NPEPL1: variants seen among roughly 807,000 people sequenced by gnomAD.
NPEPL1 encodes the protein probable aminopeptidase NPEPL1.
NPEPL1 carries 45 observed loss-of-function variants against 52.4 expected under a neutral mutation model. The observed-to-expected ratio is 0.86, with a 90% confidence interval of 0.68 to 1.10. NPEPL1 has a LOEUF of 1.10. NPEPL1 is among the 50% of genes least tolerant of loss of function. The probability of loss-of-function intolerance (pLI) is 0.00; values close to 1 mark genes in which losing one functional copy is unlikely to be tolerated. For missense variants in NPEPL1, 696 were observed against 710.9 expected (o/e 0.98, Z 0.24); for synonymous variants, 360 against 314.7 (o/e 1.14, Z -1.52).
At chr20:58,690,911 A>G, upstream of NPEPL1, 1 of 514,680 alleles carries the variant, frequency 1.9e-6, no homozygotes, top group Non-Finnish European at 3.5e-6. Flanking sequence ...GCAAAATTCT[A>G]TAGAGTGAGC....
intron 6 of NPEPL1, among the ~76,000 whole-genome samples, chr20:58,703,108 CCA>C (rs560721308): frequency 2.0e-3 from 308 of 152,262 alleles, no homozygotes; most frequent in Non-Finnish European, 3.3e-3. Flanking sequence ...CCGACTGTGC[CCA>C]GAGCCAGCCC....
rs1252983594 is a variant in NPEPL1, at chr20:58,714,086, CAG to C, written c.1296_1297del (p.Val433GlyfsTer40). The C allele has an allele frequency of 6.5e-7, 1 of 1,547,242 alleles. No homozygotes were observed. Among genetic ancestry groups the C allele is most frequent in the South Asian group, 1.2e-5 (1 of 82,886 alleles). ...TCAGCTGTGGCGGACATGAAGAACT[CAG>C]TGGCGGTAGGTTTGGAGCCTCGAAC... On this transcript the variant is annotated frameshift_variant, in exon 10 of 12. Coordinates refer to ENST00000356091, the MANE Select transcript of NPEPL1 (RefSeq NM_024663.4). LOFTEE classifies it high-confidence loss of function.
intron 6 of NPEPL1, among the ~76,000 whole-genome samples, chr20:58,701,707 C>G (rs1179808158): frequency 1.3e-5 from 2 of 152,268 alleles, no homozygotes; most frequent in South Asian, 4.1e-4. Context: ...GTCTCTGAGT[C>G]TGCCCATGGT....
chr20:58,712,901 A>T (rs1442423669), intron 8 of NPEPL1: 1 of 423,876 alleles, frequency 2.4e-6, no homozygotes, highest in African/African-American at 2.0e-5. Flanking sequence ...TCTGACCCCC[A>T]GATTCCCTGC....
At position 58,713,275 on chromosome 20, in the gene NPEPL1, C is replaced by T. The variant is rs142662755; in HGVS notation, c.1002-145C>T. 1.0e-3 allele frequency: 1,123 copies of T among 1,088,790 alleles called. 7 individuals are homozygous for T. The African/African-American group carries it at 0.016, about 16-fold the overall frequency. 67.4% of individuals were successfully genotyped at this position (1,088,790 alleles called of 1,614,324 possible). ...ATTGCTGTAGGGACTGGGGGCATCC[C>T]GGCCTTCCCATTCAGGGAACGTGTT... On this transcript the variant is annotated intron_variant, in intron 8 of 11. Transcript: ENST00000356091. This position sits in a 1 kb window ranked among gnomAD's most constrained non-coding sequence, Gnocchi z 4.6.
chr20:58,694,538 G>A lies in NPEPL1; in HGVS notation c.453G>A (p.Val151=). 1 of 1,614,008 alleles carries A rather than the reference G, an allele frequency of 6.2e-7. No homozygotes were observed. Among genetic ancestry groups the A allele is most frequent in the South Asian group, 1.1e-5 (1 of 91,082 alleles). ...SRRLEKKTVT[V]EFFLVGQDNG... ...GCTTGGAGAAGAAGACGGTCACCGT[G>A]GAGTTTTTCCTGGTGGGACAAGACA... Residue 151 remains valine (V), a synonymous_variant, in exon 3 of 12, where the codon GTG becomes GTA. Transcript: ENST00000356091.
In NPEPL1 at chr20:58,693,760, G is replaced by A. The variant is rs747390589; in HGVS notation, c.174G>A (p.Thr58=). Residue 58 remains threonine, a synonymous_variant, in exon 2 of 12, where the codon ACG becomes ACA. Coordinates refer to ENST00000356091, the MANE Select transcript of NPEPL1 (RefSeq NM_024663.4). The part of the protein sequence containing the change: ...TEELWQAALS[T]LNPNPTDSCP... ...AGCTCTGGCAGGCTGCCCTGAGCAC[G>A]CTCAACCCCAACCCCACGGACAGCT... The A allele has an allele frequency of 1.5e-5, 24 of 1,610,726 alleles. No homozygotes were observed. The highest frequency in any genetic ancestry group is 4.0e-5 in the African/African-American group (3 of 74,886).
Position 58,705,685 on chromosome 20 carries a change from A to G in NPEPL1, c.823-1438A>G, listed in dbSNP as rs1419031590. On this transcript the variant is annotated intron_variant, in intron 6 of 11. Transcript: ENST00000356091. ...CTGGTGAAACTTTGCACAATCAATC[A>G]GTTGAGCTGTATTTGCAAGCCCAGT... 7.4e-6 allele frequency: 3 copies of G among 404,624 alleles called. 1 individual carries two copies. The Middle Eastern group carries it at 1.4e-3, about 189-fold the overall frequency. The allele number at this position is 404,624 out of a possible 1,614,324, so 25.1% of individuals were successfully genotyped here.
intron 6 of NPEPL1, among the ~76,000 whole-genome samples, chr20:58,705,942 T>C (rs6026459): frequency 0.35 from 53,254 of 152,126 alleles, 12,887 homozygotes; most frequent in African/African-American, 0.69. Flanking sequence ...CACTCAATTA[T>C]AAAAGCAGCT....
chr20:58,691,213 A>T, upstream of NPEPL1: 1 of 702,720 alleles, frequency 1.4e-6, no homozygotes, highest in South Asian at 1.5e-5. Context: ...AGAGTGAGAG[A>T]TCTTCATACA....
chr20:58,699,315 G>A (rs1227248026), intron 5 of NPEPL1, 37 bp downstream of exon 5: 20 of 1,531,514 alleles, frequency 1.3e-5, no homozygotes, highest in Admixed American at 3.7e-5. Context: ...TCTTGGCCTC[G>A]GGCAGTGGCC....
At chr20:58,712,899 C>G (rs1004072136) in intron 8 of NPEPL1, 1 of 426,550 alleles carries the variant, frequency 2.3e-6, no homozygotes, top group Non-Finnish European at 4.4e-6. Flanking sequence ...GCTCTGACCC[C>G]CAGATTCCCT....
chr20:58,704,415 C>G, intron 6 of NPEPL1: 1 of 973,872 alleles, frequency 1.0e-6, no homozygotes, highest in Non-Finnish European at 1.2e-6. Context: ...CCCAAAGAGG[C>G]TTTTTGTATA....
intron 3 of NPEPL1, 141 bp downstream of exon 3, chr20:58,694,733 C>T (rs1601093323): frequency 2.2e-6 from 2 of 909,532 alleles, no homozygotes; most frequent in Non-Finnish European, 3.2e-6. Flanking sequence ...TCCTGGGAAG[C>T]GGCAGAGGCT....
intron 5 of NPEPL1, 31 bp from the exon 6 acceptor site, chr20:58,700,985 C>A (rs1366366215): frequency 1.3e-6 from 2 of 1,520,066 alleles, no homozygotes; most frequent in Admixed American, 2.0e-5. Flanking sequence ...TCAGCCCGAG[C>A]CTAACCCAGT....
upstream of NPEPL1, chr20:58,691,089 A>G (rs763403411): frequency 1.4e-6 from 1 of 702,876 alleles, no homozygotes; most frequent in Non-Finnish European, 2.6e-6. Flanking sequence ...TGGAAGTCCT[A>G]TTACATCTGT....
At position 58,693,137 on chromosome 20, in the gene NPEPL1, C is replaced by G. The variant is rs889049758; in HGVS notation, c.150+87C>G. The G allele has an allele frequency of 4.5e-6, 4 of 894,082 alleles. No homozygotes were observed. In the Admixed American group the frequency reaches 2.6e-4, roughly 57 times the overall value. The allele number at this position is 894,082 out of a possible 1,614,324, so 55.4% of individuals were successfully genotyped here. Reference sequence around the variant, plus strand: ...CGGAGGCCCCGCCTCGCCCGCCGCACCCCCGCCGCCGCCGGGCCGGGCCCA... The same window carrying G: ...CGGAGGCCCCGCCTCGCCCGCCGCAGCCCCGCCGCCGCCGGGCCGGGCCCA... On this transcript the variant is annotated intron_variant, in intron 1 of 11. Transcript: ENST00000356091.
upstream of NPEPL1, chr20:58,692,643 A>C (rs2084373934): frequency 1.4e-5 from 3 of 217,716 alleles, no homozygotes; most frequent in Non-Finnish European, 2.3e-5. The surrounding 1 kb of genome is among the most constrained non-coding windows in gnomAD (Gnocchi z 5.7). Flanking sequence ...CCTACTCGGC[A>C]GGGCCTGCTC....
rs936653750 is a variant in NPEPL1, at chr20:58,705,603, G to A, written c.823-1520G>A. On this transcript the variant is annotated intron_variant, in intron 6 of 11. Coordinates refer to ENST00000356091, the MANE Select transcript of NPEPL1 (RefSeq NM_024663.4). ...CAGCCCCGTGAAAAAGGCAGAGACC[G>A]TCTTAAATCACTGCGAAAATGGTTT... 58 of 447,890 alleles carry A rather than the reference G, an allele frequency of 1.3e-4. 1 individual carries two copies. Among genetic ancestry groups the A allele is most frequent in the South Asian group, 6.9e-4 (44 of 63,672 alleles). 27.7% of individuals were successfully genotyped at this position (447,890 alleles called of 1,614,324 possible).
Sources: gnomAD v4.1 joint callset for allele counts (sites outside exome capture counted in the v4.1 genomes callset) on GRCh38, gnomAD v4.1.1 for gene constraint, Gnocchi (gnomAD v3.1) non-coding constraint, MANE v1.5 for transcripts, NCBI Gene and HGNC (gene_info 2026-07-23, HGNC 2026-07-21) for gene names.